The following CA5B variants were observed in gnomAD, a reference collection of about 807,000 sequenced individuals.
CA5B encodes carbonic anhydrase 5B.
In CA5B, 15 loss-of-function variants were observed where a neutral mutation model predicts 23.1. That is an observed-to-expected ratio of 0.65 (90% CI 0.43 to 1.00). The LOEUF (loss-of-function observed/expected upper bound fraction) is 1.00, where lower values mean the gene tolerates loss of function less well. Among genes scored for constraint, CA5B ranks in the 50% least tolerant of loss-of-function variants. CA5B has a pLI of 0.00. For missense variants in CA5B, 236 were observed against 252.2 expected, an observed-to-expected ratio of 0.94 and a Z score of 0.43; for synonymous variants, 84 against 98.5, an observed-to-expected ratio of 0.85 and a Z score of 0.87.
At chrX:15,765,011 G>A (rs1246976888) in intron 3 of CA5B, 4 of 404,711 alleles carry the variant, frequency 9.9e-6, no homozygotes, top group Non-Finnish European at 1.7e-5. Context: ...ATCTCTCTAT[G>A]TATAGATTTA....
Position 15,750,160 on chromosome X carries a change from G to A in CA5B, c.137G>A (p.Arg46Gln). The A allele has an allele frequency of 5.0e-6, 6 of 1,201,214 alleles. No individual in the cohort carries two copies. Among genetic ancestry groups the A allele is most frequent in the Non-Finnish European group, 6.8e-6 (6 of 886,708 alleles). ...ACTTGTACTTACAAAACCCGGAACC[G>A]AGCCTGTGAGTACACCACTTCCTTA... ...LYTCTYKTRN[R>Q]ALHPLWESVD... The change falls in exon 2 of 8, where the codon CGA becomes CAA. Residue 46 changes from arginine to glutamine, a missense_variant. By Grantham distance (43) the Arg-to-Gln change is conservative. Around this residue, in one of 3 missense-constraint regions of CA5B, gnomAD observed 54 missense variants for 46.6 expected, o/e 1.16. Coordinates refer to ENST00000318636, the MANE Select transcript of CA5B (RefSeq NM_007220.4).
chrX:15,764,454 G>A, intron 2 of CA5B, 124 bp from the exon 3 acceptor site: 1 of 1,041,450 alleles, frequency 9.6e-7, no homozygotes, highest in Non-Finnish European at 1.3e-6. Flanking sequence ...TTCCTAGGCT[G>A]GTCTCAAACT....
chrX:15,742,678 C>T (rs1418505536), intron 1 of CA5B, among the ~76,000 whole-genome samples: 1 of 112,921 alleles, frequency 8.9e-6, no homozygotes. Context: ...CACGCCCAGC[C>T]TGAGTGATCT....
chrX:15,780,276 CA>C (rs869175856), intron 7 of CA5B, among the ~76,000 whole-genome samples: 4 of 86,642 alleles, frequency 4.6e-5, no homozygotes, highest in Non-Finnish European at 2.3e-5. Context: ...ATGCCTGGAA[CA>C]TTTTTTTTTT....
At chrX:15,776,948 T>G in intron 7 of CA5B, 79 bp downstream of exon 7, 1 of 876,589 alleles carries the variant, frequency 1.1e-6, no homozygotes, top group African/African-American at 1.9e-5. Flanking sequence ...GACTGTGGCA[T>G]CAGTTTTAAC....
At chrX:15,766,292 C>G (rs1931708742) in intron 3 of CA5B, among the ~76,000 whole-genome samples, 1 of 110,827 alleles carries the variant, frequency 9.0e-6, no homozygotes, top group Admixed American at 9.7e-5. Flanking sequence ...GGCCTAACTA[C>G]AAACAGACTG....
In CA5B at chrX:15,752,514, A is replaced by G. The variant is rs961158236; in HGVS notation, c.142+2349A>G. 4.7e-5 allele frequency among the ~76,000 whole-genome samples: 5 copies of G among 106,103 alleles called. No individual in the cohort carries two copies. In the South Asian group the frequency reaches 1.4e-3, roughly 29 times the overall value. 92.1% of individuals were successfully genotyped at this position (106,103 alleles called of 115,157 possible). A position where few individuals can be genotyped will look rare whatever the true frequency, so the allele number is the denominator to read the frequency against. The stretch of plus-strand genomic sequence containing the variant: ...GCCGAGGCGGGCGGATCACAAGGTC[A>G]GGAGATCAAGACTATCCTGGCTAAC... On this transcript the variant is annotated intron_variant, in intron 2 of 7. Transcript: ENST00000318636.
chrX:15,771,009 C>T (rs1931807186), intron 3 of CA5B, among the ~76,000 whole-genome samples: 2 of 106,825 alleles, frequency 1.9e-5, no homozygotes, highest in Non-Finnish European at 3.9e-5. Flanking sequence ...ACCTCATGAT[C>T]CGCCCGCCTC....
At chrX:15,740,833 G>A (rs907029253) in intron 1 of CA5B, among the ~76,000 whole-genome samples, 2 of 112,404 alleles carry the variant, frequency 1.8e-5, no homozygotes, top group African/African-American at 3.2e-5. Flanking sequence ...GGAGGCTGAG[G>A]CGGGTGGATC....
intron 3 of CA5B, among the ~76,000 whole-genome samples, chrX:15,765,754 C>G (rs893103177): frequency 2.7e-5 from 3 of 109,980 alleles, no homozygotes; most frequent in Non-Finnish European, 5.7e-5. Flanking sequence ...CGCCGGATAT[C>G]CTTAACGAAG....
intron 2 of CA5B, among the ~76,000 whole-genome samples, chrX:15,761,577 C>G (rs1271779329): frequency 8.9e-6 from 1 of 112,410 alleles, no homozygotes; most frequent in Non-Finnish European, 1.9e-5. Context: ...GGGTTCAGAC[C>G]TCTCCAGAGA....
intron 1 of CA5B, among the ~76,000 whole-genome samples, chrX:15,740,884 C>T (rs1276741831): frequency 9.0e-6 from 1 of 111,163 alleles, no homozygotes; most frequent in Non-Finnish European, 1.9e-5. Flanking sequence ...GACAACATGG[C>T]GAAACCCCGT....
chrX:15,776,719 C>T lies in CA5B; in HGVS notation c.624C>T (p.Ala208=), dbSNP rs1235942053. The T allele has an allele frequency of 2.5e-6, 3 of 1,205,762 alleles. No individual in the cohort carries two copies. Among genetic ancestry groups the T allele is most frequent in the African/African-American group, 1.8e-5 (1 of 56,950 alleles). ...DTLPSIKHKD[A]LVEFGSFDPS... is the part of the protein sequence containing the mutation. ...TTATCTCTTCTCTTGGCCAGGACGC[C>T]CTTGTGGAATTTGGGTCATTTGACC... Residue 208 remains alanine, a synonymous_variant, in exon 7 of 8, where the codon GCC becomes GCT. Transcript: ENST00000318636.
At chrX:15,741,382 CAAA>C (rs1291464062) in intron 1 of CA5B, among the ~76,000 whole-genome samples, 4 of 36,267 alleles carry the variant, frequency 1.1e-4, no homozygotes, top group Non-Finnish European at 1.1e-4. Flanking sequence ...GACCCTGTCT[CAAA>C]AAAAAAAAAA....
intron 2 of CA5B, among the ~76,000 whole-genome samples, chrX:15,752,535 C>T (rs946696224): frequency 1.0e-4 from 10 of 96,535 alleles, no homozygotes; most frequent in Non-Finnish European, 1.4e-4. Flanking sequence ...ACTATCCTGG[C>T]TAACACGGTG....
At position 15,753,531 on chromosome X, in the gene CA5B, G is replaced by C. The variant is rs753182569; in HGVS notation, c.142+3366G>C. Among the ~76,000 whole-genome samples, 10 of 112,532 alleles carry C rather than the reference G, an allele frequency of 8.9e-5. 1 individual carries two copies. The South Asian group carries it at 3.7e-3, about 41-fold the overall frequency. On this transcript the variant is annotated intron_variant, in intron 2 of 7. Coordinates refer to ENST00000318636, the MANE Select transcript of CA5B (RefSeq NM_007220.4). ...CCTGGATCAGGAAAAGACCTGGAAAGGGACAGGGGCTCTCTACAGAATGGA... is the reference window on the plus strand; with the variant it reads ...CCTGGATCAGGAAAAGACCTGGAAACGGACAGGGGCTCTCTACAGAATGGA...
chrX:15,776,938 G>A, intron 7 of CA5B, 69 bp downstream of exon 7: 1 of 926,590 alleles, frequency 1.1e-6, no homozygotes, highest in East Asian at 3.1e-5. Context: ...GCTGGGCTCA[G>A]ACTGTGGCAT....
chrX:15,749,760 A>G, intron 1 of CA5B: 1 of 273,599 alleles, frequency 3.7e-6, no homozygotes, highest in Non-Finnish European at 6.4e-6. Context: ...AAAGCATGTG[A>G]GTCAGTCCTC....
intron 5 of CA5B, among the ~76,000 whole-genome samples, chrX:15,774,942 A>G (rs1424806739): frequency 1.8e-5 from 2 of 112,841 alleles, no homozygotes; most frequent in African/African-American, 3.2e-5. Flanking sequence ...AAATGTGTCT[A>G]CTGCAGTTCT....
Sources: allele counts gnomAD v4.1 joint callset (sites outside exome capture counted in the v4.1 genomes callset), GRCh38; gene constraint gnomAD v4.1.1; regional missense constraint gnomAD v4.1.1; transcripts MANE v1.5; gene names NCBI Gene and HGNC (gene_info 2026-07-23, HGNC 2026-07-21).